TXK: variants seen among roughly 807,000 people sequenced by gnomAD.
The protein encoded by TXK is tyrosine-protein kinase TXK.
A neutral mutation model predicts 81.0 loss-of-function variants in TXK; 60 were observed. The ratio of observed to expected loss-of-function variants is 0.74; its 90% CI spans 0.60 to 0.92. TXK has a LOEUF of 0.92. TXK is among the 40% of genes least tolerant of loss of function. The pLI is 0.00. For synonymous variants in TXK, 203 were observed against 210.7 expected, an observed-to-expected ratio of 0.96 and a Z score of 0.32; for missense variants, 581 against 638.3, an observed-to-expected ratio of 0.91 and a Z score of 0.97.
At chr4:48,076,598 A>AC (rs1325346210) in intron 11 of TXK, 132 bp from the exon 12 acceptor site, 2 of 666,894 alleles carry the variant, frequency 3.0e-6, no homozygotes, top group Non-Finnish European at 5.2e-6. Flanking sequence ...TTTTATGGTG[A>AC]TATCCATCAA....
chr4:48,102,410 C>T (rs1032657109), intron 6 of TXK, among the ~76,000 whole-genome samples: 16 of 152,126 alleles, frequency 1.1e-4, no homozygotes, highest in African/African-American at 1.9e-4. Flanking sequence ...AACTCAGTTG[C>T]ACTGGTAATC....
chr4:48,129,340 T>C (rs1719180516), intron 1 of TXK, among the ~76,000 whole-genome samples: 1 of 152,204 alleles, frequency 6.6e-6, no homozygotes, highest in African/African-American at 2.4e-5. Flanking sequence ...TTGACTGTTC[T>C]GTTTTTTTGA....
At chr4:48,097,346 A>G (rs1230196670) in intron 6 of TXK, among the ~76,000 whole-genome samples, 1 of 152,146 alleles carries the variant, frequency 6.6e-6, no homozygotes, top group Non-Finnish European at 1.5e-5. Flanking sequence ...ATTTATCAAA[A>G]TTGAATGCAG....
intron 5 of TXK, among the ~76,000 whole-genome samples, chr4:48,107,011 A>G (rs1401801376): frequency 2.0e-5 from 3 of 152,128 alleles, no homozygotes; most frequent in African/African-American, 2.4e-5. Flanking sequence ...CATAGGGCTT[A>G]TTACAATTGT....
At chr4:48,131,128 C>T (rs989454422) in intron 1 of TXK, among the ~76,000 whole-genome samples, 38 of 152,240 alleles carry the variant, frequency 2.5e-4, no homozygotes, top group Non-Finnish European at 2.9e-4. Flanking sequence ...ATACCAAGTA[C>T]GTTTCACAAA....
chr4:48,105,275 A>C (rs1050585677), intron 5 of TXK, among the ~76,000 whole-genome samples: 6 of 152,172 alleles, frequency 3.9e-5, no homozygotes, highest in Admixed American at 3.9e-4. Flanking sequence ...ACAAACACTG[A>C]GTTTTGGCAG....
At chr4:48,069,847 C>T (rs920481555) in intron 14 of TXK, among the ~76,000 whole-genome samples, 1 of 152,170 alleles carries the variant, frequency 6.6e-6, no homozygotes, top group Admixed American at 6.5e-5. Flanking sequence ...ACAACATATA[C>T]TTCTGAGCTA....
chr4:48,107,393 C>A (rs550230177), intron 5 of TXK, among the ~76,000 whole-genome samples: 3 of 151,564 alleles, frequency 2.0e-5, no homozygotes, highest in Admixed American at 1.3e-4. Context: ...ACCCTCCCCC[C>A]AAAACACACA....
In TXK at chr4:48,080,083, T is replaced by C; in HGVS notation, c.1002A>G (p.Ile334Met). 1 of 1,614,140 alleles carries C rather than the reference T, an allele frequency of 6.2e-7. No individual in the cohort carries two copies. Among genetic ancestry groups the C allele is most frequent in the East Asian group, 2.2e-5 (1 of 44,872 alleles). The change falls in exon 11 of 15, where the codon ATA becomes ATG. Residue 334 changes from isoleucine (I) to methionine (M), a missense_variant. Transcript: ENST00000264316. ...SKLVQLYGVC[I>M]QRKPLYIVTE... ...TCACAATGTAAAGGGGCTTCCGCTG[T>C]ATACAGACTCCATAAAGTTGCACTA...
Position 48,110,607 on chromosome 4 carries a change from C to T in TXK, c.381-4G>A, listed in dbSNP as rs370636689. 2 of 1,610,440 alleles carry T rather than the reference C, an allele frequency of 1.2e-6. No individual in the cohort carries two copies. The highest frequency in any genetic ancestry group is 2.2e-5 in the South Asian group (2 of 90,610). ...GCTTGGGATTAAGCCTTCATTCCTA[C>T]AACAAAAGAAAAAGCAAAAATCAAA... On this transcript the variant is annotated splice_region_variant and splice_polypyrimidine_tract_variant and intron_variant, in intron 4 of 14. Coordinates refer to ENST00000264316, the MANE Select transcript of TXK (RefSeq NM_003328.3).
intron 6 of TXK, among the ~76,000 whole-genome samples, chr4:48,097,264 G>A (rs1046925489): frequency 2.0e-5 from 3 of 151,924 alleles, no homozygotes; most frequent in Non-Finnish European, 4.4e-5. Context: ...TAAAAATTAA[G>A]GAATTTACTT....
At chr4:48,121,108 C>T (rs1452785985) in intron 1 of TXK, among the ~76,000 whole-genome samples, 1 of 152,178 alleles carries the variant, frequency 6.6e-6, no homozygotes, top group East Asian at 1.9e-4. Context: ...GTCTTATTCA[C>T]TCTTTTGATT....
intron 1 of TXK, among the ~76,000 whole-genome samples, chr4:48,130,180 C>A (rs996942560): frequency 1.3e-5 from 2 of 152,172 alleles, no homozygotes; most frequent in African/African-American, 2.4e-5. Context: ...CCAAAGTGGC[C>A]AAGTTCTTTT....
In TXK at chr4:48,105,452, C is replaced by A. The variant is rs550420387; in HGVS notation, c.447-497G>T. ...ATAGTCAGTAGTTAGTAGATGTTCT[C>A]ACTTACAAGTGGGAGATAACAGGGG... is the stretch of plus-strand genomic sequence containing the variant. On this transcript the variant is annotated intron_variant, in intron 5 of 14. Coordinates refer to ENST00000264316, the MANE Select transcript of TXK (RefSeq NM_003328.3). Among the ~76,000 whole-genome samples, 31 of 152,228 alleles carry A rather than the reference C, an allele frequency of 2.0e-4. 1 individual carries two copies. In the South Asian group the frequency reaches 6.4e-3, roughly 32 times the overall value.
chr4:48,067,145 G>C lies in TXK; in HGVS notation c.*492C>G, dbSNP rs1400058503. On this transcript the variant is annotated 3_prime_UTR_variant, in exon 15 of 15. Coordinates refer to ENST00000264316, the MANE Select transcript of TXK (RefSeq NM_003328.3). ...ACTAACATTCATGTGATTTATAAAG[G>C]TGCATTTTCTGTAAAGAGCTATACA... 1 of 152,686 alleles carries C rather than the reference G, an allele frequency of 6.5e-6. No individual in the cohort carries two copies. The highest frequency in any genetic ancestry group is 1.5e-5 in the Non-Finnish European group (1 of 68,396). 9.5% of individuals were successfully genotyped at this position (152,686 alleles called of 1,614,324 possible).
Position 48,080,131 on chromosome 4 carries a change from G to A in TXK, c.957-3C>T, listed in dbSNP as rs1474068009. 4 of 1,609,666 alleles carry A rather than the reference G, an allele frequency of 2.5e-6. No homozygotes were observed. The highest frequency in any genetic ancestry group is 4.5e-5 in the East Asian group (2 of 44,818). On this transcript the variant is annotated splice_polypyrimidine_tract_variant and splice_region_variant and intron_variant, in intron 10 of 14. Coordinates refer to ENST00000264316, the MANE Select transcript of TXK (RefSeq NM_003328.3). ...CTAGCTTTGAATGAGATAATTTCCT[G>A]GTGAAGAAAAACATACACCAGTGAG...
chr4:48,123,152 A>G (rs1268310922), intron 1 of TXK, among the ~76,000 whole-genome samples: 1 of 152,208 alleles, frequency 6.6e-6, no homozygotes, highest in Non-Finnish European at 1.5e-5. Flanking sequence ...GTTATTTTCT[A>G]CTTTTTTCTG....
chr4:48,089,055 G>A (rs1238649473), intron 9 of TXK, among the ~76,000 whole-genome samples: 5 of 152,198 alleles, frequency 3.3e-5, no homozygotes, highest in Admixed American at 3.3e-4. Context: ...CAAAAAAAAA[G>A]ATGAAGACGA....
At chr4:48,102,599 T>C (rs890506047) in intron 6 of TXK, among the ~76,000 whole-genome samples, 2 of 152,234 alleles carry the variant, frequency 1.3e-5, no homozygotes, top group Non-Finnish European at 2.9e-5. Context: ...ATGTTAAATC[T>C]GCACATACCC....
Sources: gnomAD v4.1 joint callset for allele counts (sites outside exome capture counted in the v4.1 genomes callset) on GRCh38, gnomAD v4.1.1 for gene constraint, MANE v1.5 for transcripts, NCBI Gene and HGNC (gene_info 2026-07-23, HGNC 2026-07-21) for gene names.